SMARCE1: variants seen among roughly 807,000 people sequenced by gnomAD.
SMARCE1 encodes SWI/SNF related BAF chromatin remodeling complex subunit E1.
Under a neutral mutation model 54.9 loss-of-function variants are expected in SMARCE1, and 13 were observed. The observed-to-expected ratio is 0.24, with a 90% CI of 0.15 to 0.38. The LOEUF is 0.38. Ranked by LOEUF, SMARCE1 falls within the 10% of genes least tolerant of loss-of-function variation. The pLI is 1.00. For synonymous variants in SMARCE1, 151 were observed against 175.3 expected (o/e 0.86, Z 1.10); for missense variants, 295 against 523.8 (o/e 0.56, Z 4.26).
intron 4 of SMARCE1, among the ~76,000 whole-genome samples, chr17:40,638,057 C>T (rs1370643470): frequency 6.6e-6 from 1 of 152,174 alleles, no homozygotes; most frequent in East Asian, 1.9e-4. Context: ...AAAACAACTT[C>T]CCAGGTTCAA....
At chr17:40,645,455 T>TC (rs1191771040) in intron 3 of SMARCE1, 121 bp downstream of exon 3, 6 of 559,948 alleles carry the variant, frequency 1.1e-5, no homozygotes, top group Non-Finnish European at 1.2e-5. Flanking sequence ...TTTTTTTTTT[T>TC]CTTTTAAGCT....
intron 4 of SMARCE1, chr17:40,637,863 T>C (rs2037160967): frequency 2.6e-6 from 1 of 391,830 alleles, no homozygotes; most frequent in South Asian, 2.3e-5. Flanking sequence ...TATGGTTATA[T>C]ATCAACCGTC....
chr17:40,645,854 TA>T lies in SMARCE1; in HGVS notation c.-45-8del, dbSNP rs756987870. On this transcript the variant is annotated splice_region_variant and splice_polypyrimidine_tract_variant and intron_variant, in intron 1 of 10. Coordinates refer to ENST00000348513, the MANE Select transcript of SMARCE1 (RefSeq NM_003079.5). ...TAAGAATGAATCTGAGACACTAAAA[TA>T]AAAAAAAAAGGAAAAAAAAAAGAGA... is the stretch of plus-strand genomic sequence containing the variant. 5,918 of 715,286 alleles carry T rather than the reference TA, an allele frequency of 8.3e-3. 1 individual carries two copies. The highest frequency in any genetic ancestry group is 0.015 in the South Asian group (280 of 18,838). 44.3% of individuals were successfully genotyped at this position (715,286 alleles called of 1,614,324 possible).
chr17:40,631,021 T>C (rs2037089028), intron 9 of SMARCE1, 97 bp from the exon 10 acceptor site: 4 of 869,472 alleles, frequency 4.6e-6, no homozygotes, highest in Non-Finnish European at 7.1e-6. Context: ...CTATAAACTA[T>C]ATATATATAT....
rs1342479297 is a variant in SMARCE1 at position 40,625,422 on chromosome 17, T to C, written c.*3363A>G. On this transcript the variant is annotated 3_prime_UTR_variant, in exon 11 of 11. Coordinates refer to ENST00000348513, the MANE Select transcript of SMARCE1 (RefSeq NM_003079.5). The stretch of plus-strand genomic sequence containing the variant: ...ATGTGCAAATCATGAAGTCAGTTGT[T>C]GTTCCAGCAAGGTTTGCCCAGCGGT... 6.6e-6 allele frequency: 1 copy of C among 152,266 alleles called. No homozygotes were observed. The highest frequency in any genetic ancestry group is 1.5e-5 in the Non-Finnish European group (1 of 68,050). The allele number at this position is 152,266 out of a possible 1,614,324, so 9.4% of individuals were successfully genotyped here.
chr17:40,636,612 A>G, intron 5 of SMARCE1, 86 bp from the exon 6 acceptor site: 2 of 1,085,226 alleles, frequency 1.8e-6, no homozygotes, highest in Non-Finnish European at 2.7e-6. Context: ...AAACTTTTCA[A>G]CATACAAAGC....
In SMARCE1 at chr17:40,637,522, C is replaced by T. The variant is rs373563447; in HGVS notation, c.207G>A (p.Pro69=). 53 of 1,613,394 alleles carry T rather than the reference C, an allele frequency of 3.3e-5. No individual in the cohort carries two copies. Among genetic ancestry groups the T allele is most frequent in the Admixed American group, 6.7e-5 (4 of 59,956 alleles). ...IPKPPKPPDK[P]LMPYMRYSRK... Reference sequence around the variant, plus strand: ...TGCTGTACCTCATGTAGGGCATCAGCGGCTTATCTGGTGGCTTTGGGGGTT... The same window carrying T: ...TGCTGTACCTCATGTAGGGCATCAGTGGCTTATCTGGTGGCTTTGGGGGTT... Residue 69 remains proline, a synonymous_variant, in exon 5 of 11, where the codon CCG becomes CCA. Transcript: ENST00000348513.
chr17:40,632,240 T>C lies in SMARCE1; in HGVS notation c.669A>G (p.Arg223=), dbSNP rs1597743597. ...PDVRSVVTTA[R]MQVLKRQVQS... Reference sequence around the variant, plus strand: ...GGACCTGCCGTTTGAGGACCTGCATTCTAGCTGTTGTGACAACTGACCGAA... The same window carrying C: ...GGACCTGCCGTTTGAGGACCTGCATCCTAGCTGTTGTGACAACTGACCGAA... Residue 223 remains arginine, a synonymous_variant, in exon 8 of 11, where the codon AGA becomes AGG. Coordinates refer to ENST00000348513, the MANE Select transcript of SMARCE1 (RefSeq NM_003079.5). 6.2e-7 allele frequency: 1 copy of C among 1,613,878 alleles called. No individual in the cohort carries two copies. Among genetic ancestry groups the C allele is most frequent in the South Asian group, 1.1e-5 (1 of 91,080 alleles).
intron 8 of SMARCE1, 184 bp from the exon 9 acceptor site, chr17:40,631,877 C>T (rs2037098836): frequency 1.7e-6 from 1 of 573,354 alleles, no homozygotes; most frequent in Non-Finnish European, 3.1e-6. Context: ...TTAAAGAATA[C>T]TGTTTCAGGC....
At chr17:40,631,400 T>C in intron 9 of SMARCE1, 192 bp downstream of exon 9, 1 of 535,306 alleles carries the variant, frequency 1.9e-6, no homozygotes, top group Non-Finnish European at 3.3e-6. Context: ...CTATGATATT[T>C]CAAATTTATT....
intron 3 of SMARCE1, 113 bp downstream of exon 3, chr17:40,645,463 G>A: frequency 1.7e-6 from 1 of 577,202 alleles, no homozygotes; most frequent in Non-Finnish European, 3.0e-6. Flanking sequence ...TTTCTTTTAA[G>A]CTGAATTTCA....
intron 4 of SMARCE1, among the ~76,000 whole-genome samples, chr17:40,638,882 A>G (rs2037169888): frequency 6.6e-6 from 1 of 152,164 alleles, no homozygotes; most frequent in Admixed American, 6.5e-5. Flanking sequence ...TGGGACCCCA[A>G]TCATAACCTT....
At chr17:40,643,152 T>C (rs1297914483) in intron 3 of SMARCE1, 1 of 152,198 alleles carries the variant, frequency 6.6e-6, no homozygotes, top group Non-Finnish European at 1.5e-5. Context: ...AGAACATATG[T>C]TGGATTTGAT....
chr17:40,627,428 C>A lies in SMARCE1; in HGVS notation c.*1357G>T, dbSNP rs2037046364. The A allele has an allele frequency of 6.6e-6, 1 of 152,206 alleles. No homozygotes were observed. The highest frequency in any genetic ancestry group is 1.5e-5 in the Non-Finnish European group (1 of 68,038). 9.4% of individuals were successfully genotyped at this position (152,206 alleles called of 1,614,324 possible). The stretch of plus-strand genomic sequence containing the variant: ...GATAATTCAAACGTTACAGATTTCT[C>A]CATATTCCTGTTAATGTAGAAACAT... On this transcript the variant is annotated 3_prime_UTR_variant, in exon 11 of 11. Coordinates refer to ENST00000348513, the MANE Select transcript of SMARCE1 (RefSeq NM_003079.5).
chr17:40,629,105 T>G (rs1269363236), intron 10 of SMARCE1, 112 bp from the exon 11 acceptor site: 2 of 821,742 alleles, frequency 2.4e-6, no homozygotes, highest in East Asian at 5.1e-5. Context: ...CATGTGGTTA[T>G]TAAACCCCTG....
intron 7 of SMARCE1, chr17:40,633,040 CCTCTTGTTACCCAG>C (rs1435198348): frequency 1.3e-5 from 2 of 152,182 alleles, no homozygotes; most frequent in African/African-American, 4.8e-5. Flanking sequence ...ACAGAATCTC[CCTCTTGTTACCCAG>C]GCTGGAGTAC....
intron 1 of SMARCE1, among the ~76,000 whole-genome samples, chr17:40,646,103 T>C (rs1361528717): frequency 6.6e-6 from 1 of 152,226 alleles, no homozygotes; most frequent in Non-Finnish European, 1.5e-5. Flanking sequence ...GATACTAAGC[T>C]ACCTCTTGTA....
intron 5 of SMARCE1, 170 bp from the exon 6 acceptor site, chr17:40,636,696 GTTAT>G (rs1170334783): frequency 1.8e-6 from 1 of 548,560 alleles, no homozygotes; most frequent in Non-Finnish European, 3.2e-6. Flanking sequence ...CCAATCTCAA[GTTAT>G]CTTTGCCCTA....
rs2037106562 is a variant in SMARCE1 at position 40,632,642 on chromosome 17, T to C, written c.542-275A>G. The stretch of plus-strand genomic sequence containing the variant: ...GCTAAAACATAAACGAGATACAACA[T>C]GTCTCTTCTGGCTTCGGAATCAATG... On this transcript the variant is annotated intron_variant, in intron 7 of 10. Coordinates refer to ENST00000348513, the MANE Select transcript of SMARCE1 (RefSeq NM_003079.5). 3 of 345,776 alleles carry C rather than the reference T, an allele frequency of 8.7e-6. 1 individual carries two copies. In the South Asian group the frequency reaches 1.8e-4, roughly 21 times the overall value. The allele number at this position is 345,776 out of a possible 1,614,324, so 21.4% of individuals were successfully genotyped here. A position where few individuals can be genotyped will look rare whatever the true frequency, so the allele number is the denominator to read the frequency against.
Sources: gnomAD v4.1 joint callset for allele counts (sites outside exome capture counted in the v4.1 genomes callset) on GRCh38, gnomAD v4.1.1 for gene constraint, MANE v1.5 for transcripts, NCBI Gene and HGNC (gene_info 2026-07-23, HGNC 2026-07-21) for gene names.